Variants in ERICH6 observed in about 807,000 individuals in gnomAD.
ERICH6 encodes the protein glutamate-rich protein 6.
In ERICH6, 71 loss-of-function variants were observed where a neutral mutation model predicts 71.0. The observed-to-expected ratio is 1.00, with a 90% CI of 0.83 to 1.22. The LOEUF (loss-of-function observed/expected upper bound fraction) is 1.22, where lower values mean the gene tolerates loss of function less well. Among genes scored for constraint, ERICH6 ranks in the 50% most tolerant of loss-of-function variants. The pLI is 0.00. For synonymous variants in ERICH6, 262 were observed against 278.4 expected (o/e 0.94, Z 0.59); for missense variants, 808 against 797.2 (o/e 1.01, Z -0.16).
intron 6 of ERICH6, among the ~76,000 whole-genome samples, 196 bp from the exon 7 acceptor site, chr3:150,682,512 T>A (rs532644811): frequency 4.7e-4 from 72 of 152,226 alleles, no homozygotes; most frequent in African/African-American, 1.7e-3. Context: ...TGCAGGTCTC[T>A]GTCTGGTGCA....
At chr3:150,697,467 G>T (rs1712696503) in intron 3 of ERICH6, among the ~76,000 whole-genome samples, 1 of 151,726 alleles carries the variant, frequency 6.6e-6, no homozygotes, top group South Asian at 2.1e-4. Flanking sequence ...CTCCAATATG[G>T]CTTTTATCCC....
intron 7 of ERICH6, among the ~76,000 whole-genome samples, chr3:150,681,524 G>C (rs550930049): frequency 6.6e-6 from 1 of 152,228 alleles, no homozygotes; most frequent in African/African-American, 2.4e-5. Flanking sequence ...ACAAGTTTTT[G>C]TGTGGACATA....
intron 3 of ERICH6, among the ~76,000 whole-genome samples, chr3:150,688,665 T>C (rs1366461758): frequency 6.6e-6 from 1 of 152,226 alleles, no homozygotes; most frequent in Non-Finnish European, 1.5e-5. Flanking sequence ...GCATATCTGA[T>C]TGCCTCCTTT....
rs1711497107 is a variant in ERICH6 at position 150,669,458 on chromosome 3, T to C, written c.1344-7A>G. On this transcript the variant is annotated splice_region_variant and splice_polypyrimidine_tract_variant and intron_variant, in intron 11 of 13. Coordinates refer to ENST00000295910, the MANE Select transcript of ERICH6 (RefSeq NM_152394.5). ...TAGGTTTCCAGATGGATAGCTGAGA[T>C]CAGATAAGGTCATATAAATTGTTCT... The C allele has an allele frequency of 6.2e-7, 1 of 1,611,416 alleles. No homozygotes were observed.
At chr3:150,660,544 G>A (rs776281837) in intron 13 of ERICH6, among the ~76,000 whole-genome samples, 4 of 152,130 alleles carry the variant, frequency 2.6e-5, no homozygotes, top group Non-Finnish European at 4.4e-5. Flanking sequence ...GCAATTTTCC[G>A]CAGAGAAGGT....
intron 1 of ERICH6, 56 bp from the exon 2 acceptor site, chr3:150,702,234 C>T: frequency 1.0e-6 from 1 of 974,006 alleles, no homozygotes; most frequent in East Asian, 2.6e-5. Context: ...AAGGTCAATT[C>T]TACCCCCCCC....
chr3:150,693,104 A>G (rs1712515476), intron 3 of ERICH6, among the ~76,000 whole-genome samples: 1 of 152,204 alleles, frequency 6.6e-6, no homozygotes, highest in South Asian at 2.1e-4. Context: ...TTAACAATTG[A>G]GTAAAGTGTA....
Position 150,666,960 on chromosome 3 carries a change from T to G in ERICH6, c.1555A>C (p.Arg519=), listed in dbSNP as rs768146894. 6.2e-6 allele frequency: 10 copies of G among 1,614,138 alleles called. No homozygotes were observed. In the South Asian group the frequency reaches 8.8e-5, roughly 14 times the overall value. Reference sequence around the variant, plus strand: ...ATGGAATTTGACCAATTCCAAGCCCTTATTCTGTTGCCGGCTTGATCTGAA... The same window carrying G: ...ATGGAATTTGACCAATTCCAAGCCCGTATTCTGTTGCCGGCTTGATCTGAA... ...QYSDQAGNRI[R]AWNWSNSITS... is the part of the protein sequence containing the mutation. Residue 519 remains arginine, a synonymous_variant, in exon 13 of 14, where the codon AGG becomes CGG. Coordinates refer to ENST00000295910, the MANE Select transcript of ERICH6 (RefSeq NM_152394.5).
chr3:150,696,249 T>TG (rs1324795798), intron 3 of ERICH6, among the ~76,000 whole-genome samples: 2 of 92,040 alleles, frequency 2.2e-5, no homozygotes, highest in Non-Finnish European at 5.7e-5. Context: ...AGACAAAATT[T>TG]GGGGGAAAAG....
Position 150,669,418 on chromosome 3 carries a change from C to T in ERICH6, c.1377G>A (p.Val459=). The change falls in exon 12 of 14, where the codon GTG becomes GTA. Residue 459 remains valine (V), a synonymous_variant. Coordinates refer to ENST00000295910, the MANE Select transcript of ERICH6 (RefSeq NM_152394.5). The part of the protein sequence containing the change: ...YPSGNLAIIR[V]PNKVNGFTCI... ...AAGTAAAACCATTTACCTTGTTGGGCACTCGAATGATGGCTAGGTTTCCAG... is the reference window on the plus strand; with the variant it reads ...AAGTAAAACCATTTACCTTGTTGGGTACTCGAATGATGGCTAGGTTTCCAG... The T allele has an allele frequency of 6.2e-7, 1 of 1,613,604 alleles. No homozygotes were observed. The highest frequency in any genetic ancestry group is 8.5e-7 in the Non-Finnish European group (1 of 1,179,832).
chr3:150,664,922 AC>A (rs1404999541), intron 13 of ERICH6, among the ~76,000 whole-genome samples: 2 of 151,606 alleles, frequency 1.3e-5, no homozygotes, highest in Non-Finnish European at 2.9e-5. Context: ...TTAATAATGA[AC>A]TCTTCCTTTT....
chr3:150,668,290 G>T (rs944058702), intron 12 of ERICH6, among the ~76,000 whole-genome samples: 5 of 152,158 alleles, frequency 3.3e-5, no homozygotes, highest in African/African-American at 9.6e-5. Flanking sequence ...TCAAGTAAGG[G>T]AAATGGACTC....
chr3:150,665,882 C>T (rs1479035096), intron 13 of ERICH6, among the ~76,000 whole-genome samples: 1 of 151,366 alleles, frequency 6.6e-6, no homozygotes, highest in African/African-American at 2.4e-5. Context: ...GTTTAAGGGA[C>T]CTGTTCAAAG....
At chr3:150,694,586 G>T (rs918708067) in intron 3 of ERICH6, among the ~76,000 whole-genome samples, 2 of 152,132 alleles carry the variant, frequency 1.3e-5, no homozygotes, top group Admixed American at 6.5e-5. Context: ...TTACCACTTC[G>T]TTCCTCCTTT....
intron 6 of ERICH6, among the ~76,000 whole-genome samples, chr3:150,683,617 G>A (rs576455952): frequency 2.8e-4 from 42 of 152,248 alleles, no homozygotes; most frequent in African/African-American, 9.6e-4. Flanking sequence ...AGCCAGGCAC[G>A]GTGGTGTGTG....
At chr3:150,698,111 C>T (rs1712720663) in intron 3 of ERICH6, among the ~76,000 whole-genome samples, 2 of 152,168 alleles carry the variant, frequency 1.3e-5, no homozygotes, top group Admixed American at 6.5e-5. Flanking sequence ...CCAACCCCTT[C>T]CCTGCTTTAC....
At chr3:150,687,930 C>A (rs567181695) in intron 3 of ERICH6, among the ~76,000 whole-genome samples, 1 of 152,048 alleles carries the variant, frequency 6.6e-6, no homozygotes, top group South Asian at 2.1e-4. Context: ...ACAGCCTGAG[C>A]AAAATACTGA....
At position 150,680,773 on chromosome 3, in the gene ERICH6, C is replaced by T. The variant is rs574120461; in HGVS notation, c.1040G>A (p.Arg347Lys). 2 of 1,599,794 alleles carry T rather than the reference C, an allele frequency of 1.3e-6. No individual in the cohort carries two copies. The highest frequency in any genetic ancestry group is 2.3e-5 in the South Asian group (2 of 88,780). Residue 347 changes from arginine (R) to lysine (K), a missense_variant and splice_region_variant, in exon 8 of 14, where the codon AGG becomes AAG. Arg to Lys is a conservative substitution (Grantham distance 26, BLOSUM62 2). Coordinates refer to ENST00000295910, the MANE Select transcript of ERICH6 (RefSeq NM_152394.5). ...RLKAKEKALQ[R>K]KQEQRMARHF... ...TTCAGTATCGAAGTCTCAATGTTAC[C>T]TTTGCAGGGCTTTTTCTTTTGCCTT...
At chr3:150,684,409 C>T (rs1396656089) in intron 6 of ERICH6, among the ~76,000 whole-genome samples, 1 of 152,158 alleles carries the variant, frequency 6.6e-6, no homozygotes, top group Non-Finnish European at 1.5e-5. Flanking sequence ...TGAACACCAC[C>T]TCAGTGCATC....
Sources: allele counts gnomAD v4.1 joint callset (sites outside exome capture counted in the v4.1 genomes callset), GRCh38; gene constraint gnomAD v4.1.1; transcripts MANE v1.5; gene names NCBI Gene and HGNC (gene_info 2026-07-23, HGNC 2026-07-21).